The following MAP4 variants were observed in gnomAD, a reference collection of about 807,000 sequenced individuals.
MAP4 encodes the protein microtubule associated protein 4.
MAP4 carries 76 observed loss-of-function variants against 170.2 expected under a neutral mutation model. The ratio of observed to expected loss-of-function variants is 0.45; its 90% CI spans 0.37 to 0.54. The LOEUF (loss-of-function observed/expected upper bound fraction) is 0.54, where lower values mean the gene tolerates loss of function less well. Ranked by LOEUF, MAP4 falls within the 20% of genes least tolerant of loss-of-function variation. MAP4 has a pLI of 0.00. For synonymous variants in MAP4, 909 were observed against 994.5 expected, an observed-to-expected ratio of 0.91 and a Z score of 1.62; for missense variants, 2,506 against 2,748.0, an observed-to-expected ratio of 0.91 and a Z score of 1.97.
At chr3:48,017,649 C>G (rs2100108455), upstream of MAP4, among the ~76,000 whole-genome samples, 1 of 152,038 alleles carries the variant, frequency 6.6e-6, no homozygotes, top group Non-Finnish European at 1.5e-5. Flanking sequence ...CACTGTACAC[C>G]CTATGCTCAT....
At chr3:48,080,096 T>C (rs1050634617) in intron 1 of MAP4, among the ~76,000 whole-genome samples, 4 of 152,202 alleles carry the variant, frequency 2.6e-5, no homozygotes, top group African/African-American at 7.2e-5. Context: ...ATAACTGTCA[T>C]TGAATAGGTG....
At chr3:47,976,207 GC>G (rs1302799780) in intron 3 of MAP4, among the ~76,000 whole-genome samples, 2 of 152,200 alleles carry the variant, frequency 1.3e-5, no homozygotes, top group Non-Finnish European at 2.9e-5. Context: ...CTCTCATAAT[GC>G]CACTGGGTAG....
chr3:47,997,974 T>G (rs1332481710), intron 2 of MAP4, among the ~76,000 whole-genome samples: 5 of 152,198 alleles, frequency 3.3e-5, no homozygotes, highest in Non-Finnish European at 7.4e-5. Flanking sequence ...CAGGCCCAGA[T>G]AGCTTTATTG....
intron 3 of MAP4, among the ~76,000 whole-genome samples, chr3:47,939,109 GA>G (rs1241333179): frequency 6.6e-6 from 1 of 152,078 alleles, no homozygotes; most frequent in Non-Finnish European, 1.5e-5. Context: ...TCCCCTGCTT[GA>G]AATGTCTCCT....
At chr3:48,018,698 G>C (rs1208676064), upstream of MAP4, among the ~76,000 whole-genome samples, 1 of 152,124 alleles carries the variant, frequency 6.6e-6, no homozygotes, top group African/African-American at 2.4e-5. Context: ...AGCTACTCGA[G>C]AGGCTGAGGC....
At chr3:47,868,480 C>T (rs1278711451) in intron 16 of MAP4, among the ~76,000 whole-genome samples, 2 of 152,154 alleles carry the variant, frequency 1.3e-5, no homozygotes, top group South Asian at 2.1e-4. Flanking sequence ...TGTAGGAATG[C>T]CCTAGGCTGA....
intron 17 of MAP4, among the ~76,000 whole-genome samples, chr3:47,862,967 T>G (rs1376115201): frequency 1.3e-5 from 2 of 148,230 alleles, no homozygotes; most frequent in Non-Finnish European, 1.5e-5. Flanking sequence ...AAAAAGTTGT[T>G]TTTTTTTTTT....
At chr3:47,895,883 T>C (rs1038669612) in intron 10 of MAP4, among the ~76,000 whole-genome samples, 7 of 152,166 alleles carry the variant, frequency 4.6e-5, no homozygotes, top group African/African-American at 1.2e-4. Flanking sequence ...TCATACTGTG[T>C]AGATCAGAAA....
chr3:47,906,663 A>G (rs1426280932), intron 9 of MAP4, among the ~76,000 whole-genome samples: 7 of 151,682 alleles, frequency 4.6e-5, no homozygotes, highest in Non-Finnish European at 7.4e-5. Context: ...TTCGTGGGCA[A>G]TGAGAGCAAA....
intron 7 of MAP4, 100 bp from the exon 8 acceptor site, chr3:47,915,039 T>C: frequency 6.9e-7 from 1 of 1,453,592 alleles, no homozygotes; most frequent in Admixed American, 1.7e-5. Context: ...TCTGAGGAGT[T>C]CTCCTACAAG....
chr3:47,874,400 T>C (rs1302163524), intron 12 of MAP4, among the ~76,000 whole-genome samples: 1 of 151,814 alleles, frequency 6.6e-6, no homozygotes, highest in East Asian at 1.9e-4. Flanking sequence ...ACCTGGGAGG[T>C]GGAGGTTGCA....
rs1475262440 is a variant in MAP4 at position 47,998,799 on chromosome 3, A to C, written c.62T>G (p.Ile21Arg). 9 of 1,614,188 alleles carry C rather than the reference A, an allele frequency of 5.6e-6. No individual in the cohort carries two copies. The highest frequency in any genetic ancestry group is 4.5e-5 in the East Asian group (2 of 44,886). Residue 21 changes from isoleucine (I) to arginine (R), a missense_variant, in exon 2 of 21, where the codon ATA becomes AGA. Around this residue, in one of 3 missense-constraint regions of MAP4, gnomAD observed 2,008 missense variants for 2,206.0 expected, o/e 0.91. Transcript: ENST00000683076. ...TEPSPDIEGE[I>R]KRDFIATLEA... ...TAGTGTGGCAATGAAGTCCCGCTTT[A>C]TCTCTCCCTCAATGTCTGGAGATGG...
At chr3:47,881,531 A>C (rs2096769706) in intron 10 of MAP4, among the ~76,000 whole-genome samples, 1 of 137,462 alleles carries the variant, frequency 7.3e-6, no homozygotes, top group African/African-American at 2.7e-5. Flanking sequence ...TGCTACTTTA[A>C]AAAATTGTTA....
At chr3:47,876,449 GA>G in intron 11 of MAP4, among the ~76,000 whole-genome samples, 1 of 152,230 alleles carries the variant, frequency 6.6e-6, no homozygotes, top group Non-Finnish European at 1.5e-5. Flanking sequence ...GTTTCTTAAT[GA>G]TAGTGGCACA....
chr3:48,081,636 T>C (rs1035205157), intron 1 of MAP4, among the ~76,000 whole-genome samples: 2 of 152,198 alleles, frequency 1.3e-5, no homozygotes, highest in East Asian at 3.8e-4. Context: ...TCTGTGGTGC[T>C]GGATCAGCAT....
Position 47,852,900 on chromosome 3 carries a change from C to T in MAP4, c.*34G>A, listed in dbSNP as rs762973857. On this transcript the variant is annotated 3_prime_UTR_variant, in exon 21 of 21. Transcript: ENST00000683076. ...TGTCGGCCCCGTGGTCGGTGCGGGC[C>T]CTGGCATTTGCCCGGAACGTCAGCC... The T allele has an allele frequency of 1.2e-6, 2 of 1,607,148 alleles. No homozygotes were observed. The highest frequency in any genetic ancestry group is 1.1e-5 in the South Asian group (1 of 90,362).
chr3:48,024,136 C>T (rs1359838072), intron 1 of MAP4, among the ~76,000 whole-genome samples: 4 of 152,058 alleles, frequency 2.6e-5, no homozygotes, highest in Non-Finnish European at 5.9e-5. Flanking sequence ...ATGGTGAAAT[C>T]CTGTCTCTAC....
chr3:47,892,397 T>A (rs2100024476), intron 10 of MAP4: 3 of 1,536,140 alleles, frequency 2.0e-6, no homozygotes, highest in Non-Finnish European at 2.6e-6. Flanking sequence ...ACTGATTTCT[T>A]TTGGGGAGTC....
chr3:47,971,893 C>T (rs1389755484), intron 3 of MAP4, among the ~76,000 whole-genome samples: 2 of 152,100 alleles, frequency 1.3e-5, no homozygotes, highest in African/African-American at 2.4e-5. Context: ...GGTTTCACTT[C>T]GCATCAGGGA....
Sources: gnomAD v4.1 joint callset for allele counts (sites outside exome capture counted in the v4.1 genomes callset) on GRCh38, gnomAD v4.1.1 for gene constraint, gnomAD v4.1.1 regional missense constraint, MANE v1.5 for transcripts, NCBI Gene and HGNC (gene_info 2026-07-23, HGNC 2026-07-21) for gene names.